FAM89A: variants seen among roughly 807,000 people sequenced by gnomAD.
FAM89A encodes the protein family with sequence similarity 89 member A.
Under a neutral mutation model 7.1 loss-of-function variants are expected in FAM89A, and 10 were observed. The observed-to-expected ratio is 1.40, with a 90% CI of 0.86 to 2.38. FAM89A has a LOEUF of 2.38. Among genes scored for constraint, FAM89A ranks in the 30% most tolerant of loss-of-function variants. FAM89A has a pLI of 0.00. For synonymous variants in FAM89A, 157 were observed against 129.3 expected, an observed-to-expected ratio of 1.21 and a Z score of -1.45; for missense variants, 276 against 262.8, an observed-to-expected ratio of 1.05 and a Z score of -0.35.
At chr1:231,036,977 G>A (rs1572358923) in intron 1 of FAM89A, among the ~76,000 whole-genome samples, 1 of 152,226 alleles carries the variant, frequency 6.6e-6, no homozygotes, top group East Asian at 1.9e-4. Flanking sequence ...ACTCACTGAA[G>A]TCATTATAAT....
chr1:231,034,027 T>C (rs1250229000), intron 1 of FAM89A, among the ~76,000 whole-genome samples: 3 of 152,174 alleles, frequency 2.0e-5, no homozygotes, highest in Non-Finnish European at 4.4e-5. Flanking sequence ...AAGTACAGGG[T>C]AGCAGTGGCC....
intron 1 of FAM89A, among the ~76,000 whole-genome samples, chr1:231,030,662 C>T (rs1269154885): frequency 6.6e-6 from 1 of 152,112 alleles, no homozygotes; most frequent in Non-Finnish European, 1.5e-5. Flanking sequence ...ATCATACAAA[C>T]CAGTTCTCCT....
chr1:231,031,638 CTG>C (rs1680071466), intron 1 of FAM89A, among the ~76,000 whole-genome samples: 1 of 152,202 alleles, frequency 6.6e-6, no homozygotes, highest in African/African-American at 2.4e-5. Context: ...CACTTTGAAA[CTG>C]TGGTTCTTCA....
At chr1:231,021,213 CT>C (rs1180573466) in intron 1 of FAM89A, among the ~76,000 whole-genome samples, 6 of 152,258 alleles carry the variant, frequency 3.9e-5, no homozygotes, top group Admixed American at 3.3e-4. Context: ...TTCTTGGCCC[CT>C]GAGCAAGGTA....
intron 1 of FAM89A, among the ~76,000 whole-genome samples, chr1:231,037,470 T>C (rs143682110): frequency 5.1e-4 from 78 of 152,318 alleles, no homozygotes; most frequent in African/African-American, 1.8e-3. Flanking sequence ...GTCTCCCACA[T>C]GAGTCTTGTT....
chr1:231,030,439 A>T (rs1680048546), intron 1 of FAM89A, among the ~76,000 whole-genome samples: 1 of 152,222 alleles, frequency 6.6e-6, no homozygotes, highest in African/African-American at 2.4e-5. Flanking sequence ...CTGTTCTGCA[A>T]TTTAACAATT....
chr1:231,025,217 C>T (rs1420825634), intron 1 of FAM89A, among the ~76,000 whole-genome samples: 9 of 152,068 alleles, frequency 5.9e-5, no homozygotes, highest in African/African-American at 1.2e-4. Flanking sequence ...CCACCGTGCC[C>T]GGCCACCACA....
chr1:231,025,799 A>G (rs1326569220), intron 1 of FAM89A, among the ~76,000 whole-genome samples: 1 of 152,074 alleles, frequency 6.6e-6, no homozygotes. Flanking sequence ...GGAATTTTCT[A>G]TTGAAAAAAT....
chr1:231,039,550 T>C (rs1054093786), intron 1 of FAM89A, among the ~76,000 whole-genome samples: 2 of 150,316 alleles, frequency 1.3e-5, no homozygotes, highest in Non-Finnish European at 2.9e-5. Flanking sequence ...TGTGAAAGCC[T>C]TTCCCCCACC....
chr1:231,024,519 T>TACACACAC lies in FAM89A; in HGVS notation c.292-4394_292-4393insGTGTGTGT, dbSNP rs1558254461. ...CAGAACTATGTTTTATTACATTGCA[T>TACACACAC]GCACACACACACACACACACACACA... On this transcript the variant is annotated intron_variant, in intron 1 of 1. Coordinates refer to ENST00000366654, the MANE Select transcript of FAM89A (RefSeq NM_198552.3). Among the ~76,000 whole-genome samples, 32 of 41,610 alleles carry TACACACAC rather than the reference T, an allele frequency of 7.7e-4. 1 individual carries two copies. Among genetic ancestry groups the TACACACAC allele is most frequent in the African/African-American group, 2.6e-3 (32 of 12,354 alleles). 27.3% of individuals were successfully genotyped at this position (41,610 alleles called of 152,430 possible).
chr1:231,029,719 TAA>T (rs1680037473), intron 1 of FAM89A, among the ~76,000 whole-genome samples: 1 of 152,252 alleles, frequency 6.6e-6, no homozygotes, highest in Non-Finnish European at 1.5e-5. Context: ...CTGAATTTTC[TAA>T]GTTTTCTATT....
chr1:231,026,173 A>G (rs1679965984), intron 1 of FAM89A: 1 of 154,678 alleles, frequency 6.5e-6, no homozygotes, highest in Middle Eastern at 5.2e-4. Flanking sequence ...AGGAAGGAGC[A>G]GCAGGTACAG....
At chr1:231,020,798 C>T (rs570806461) in intron 1 of FAM89A, among the ~76,000 whole-genome samples, 48 of 152,212 alleles carry the variant, frequency 3.2e-4, no homozygotes, top group African/African-American at 1.1e-3. Context: ...GAAAACTAGC[C>T]CCACAAAAAC....
Position 231,021,881 on chromosome 1 carries a change from T to C in FAM89A, c.292-1755A>G, listed in dbSNP as rs35902766. The C allele has an allele frequency of 1.8e-5, 28 of 1,576,226 alleles. No individual in the cohort carries two copies. The African/African-American group carries it at 2.4e-4, about 14-fold the overall frequency. On this transcript the variant is annotated intron_variant, in intron 1 of 1. Transcript: ENST00000366654. ...GCTGCCCCAGGACCATGCTGACAGCTGCATGGTGAGCAGTGACGATGAGTT... is the reference window on the plus strand; with the variant it reads ...GCTGCCCCAGGACCATGCTGACAGCCGCATGGTGAGCAGTGACGATGAGTT...
At chr1:231,021,456 T>C (rs527639485) in intron 1 of FAM89A, among the ~76,000 whole-genome samples, 1 of 152,348 alleles carries the variant, frequency 6.6e-6, no homozygotes, top group South Asian at 2.1e-4. Context: ...GCTCCAGGAC[T>C]TTAAAATACT....
At chr1:231,033,946 C>T (rs1050925398) in intron 1 of FAM89A, among the ~76,000 whole-genome samples, 11 of 152,128 alleles carry the variant, frequency 7.2e-5, no homozygotes, top group Non-Finnish European at 1.0e-4. Flanking sequence ...TGCTTTCATA[C>T]ACACAAACTA....
intron 1 of FAM89A, among the ~76,000 whole-genome samples, chr1:231,028,120 G>C (rs573609865): frequency 6.6e-6 from 1 of 152,326 alleles, no homozygotes; most frequent in East Asian, 1.9e-4. Flanking sequence ...GAAGTGGCCT[G>C]GCAGTGGGGT....
At position 231,040,134 on chromosome 1, in the gene FAM89A, CG is replaced by C. The variant is rs777880088; in HGVS notation, c.77del (p.Pro26ArgfsTer6). Reference sequence around the variant, plus strand: ...GCAGCCCGCTCAAGCTCTTTGGCAGCGGGGGCAGCCCGTCCACCCGCAGCCC... The same window carrying C: ...GCAGCCCGCTCAAGCTCTTTGGCAGCGGGGCAGCCCGTCCACCCGCAGCCC... ...VRGLRVDGLP[P>X]LPKSLSGLLH... On this transcript the variant is annotated frameshift_variant, in exon 1 of 2. Coordinates refer to ENST00000366654, the MANE Select transcript of FAM89A (RefSeq NM_198552.3). LOFTEE classifies it high-confidence loss of function. 24 of 1,350,782 alleles carry C rather than the reference CG, an allele frequency of 1.8e-5. No individual in the cohort carries two copies. The highest frequency in any genetic ancestry group is 2.8e-4 in the Middle Eastern group (1 of 3,608). The allele number at this position is 1,350,782 out of a possible 1,614,324, so 83.7% of individuals were successfully genotyped here. A position where few individuals can be genotyped will look rare whatever the true frequency, so the allele number is the denominator to read the frequency against.
At chr1:231,028,122 C>T (rs186814720) in intron 1 of FAM89A, among the ~76,000 whole-genome samples, 48 of 152,332 alleles carry the variant, frequency 3.2e-4, no homozygotes, top group Non-Finnish European at 5.6e-4. Flanking sequence ...AGTGGCCTGG[C>T]AGTGGGGTGG....
Sources: allele counts gnomAD v4.1 joint callset (sites outside exome capture counted in the v4.1 genomes callset), GRCh38; gene constraint gnomAD v4.1.1; transcripts MANE v1.5; gene names NCBI Gene and HGNC (gene_info 2026-07-23, HGNC 2026-07-21).